Variants in IL7 observed in about 807,000 individuals in gnomAD.
IL7 encodes the protein interleukin 7, also known as interleukin-7.
In IL7, 3 loss-of-function variants were observed where a neutral mutation model predicts 21.6. That is an observed-to-expected ratio of 0.14 (90% CI 0.06 to 0.36). The LOEUF (loss-of-function observed/expected upper bound fraction) is 0.36, where lower values mean the gene tolerates loss of function less well. IL7 is among the 10% of genes least tolerant of loss of function. IL7 has a pLI of 1.00. For synonymous variants in IL7, 62 were observed against 68.1 expected (o/e 0.91, Z 0.44); for missense variants, 175 against 200.2 (o/e 0.87, Z 0.76).
chr8:78,710,923 T>C (rs1810931836), intron 3 of IL7, among the ~76,000 whole-genome samples: 1 of 152,100 alleles, frequency 6.6e-6, no homozygotes, highest in Admixed American at 6.5e-5. Flanking sequence ...TAATAAAATG[T>C]GTCCCTCCTC....
intron 3 of IL7, among the ~76,000 whole-genome samples, chr8:78,690,934 C>A (rs1301717947): frequency 6.6e-6 from 1 of 151,838 alleles, no homozygotes; most frequent in African/African-American, 2.4e-5. Flanking sequence ...TAATCTTATA[C>A]CCTGCTATTT....
chr8:78,708,509 C>T (rs1453718821), intron 3 of IL7, among the ~76,000 whole-genome samples: 1 of 151,526 alleles, frequency 6.6e-6, no homozygotes, highest in East Asian at 1.9e-4. Flanking sequence ...AAGAACTCGT[C>T]TCCATTAAAA....
intron 2 of IL7, among the ~76,000 whole-genome samples, chr8:78,758,211 CCCATTCAG>C (rs1352184992): frequency 6.6e-6 from 1 of 152,034 alleles, no homozygotes; most frequent in Non-Finnish European, 1.5e-5. Flanking sequence ...TTCTTTTCTA[CCCATTCAG>C]CCAGTCTATA....
At chr8:78,744,889 C>T (rs1032606385) in intron 2 of IL7, among the ~76,000 whole-genome samples, 1 of 152,136 alleles carries the variant, frequency 6.6e-6, no homozygotes, top group East Asian at 1.9e-4. Context: ...CATTCACTCA[C>T]CGATTCTCTG....
downstream of IL7, chr8:78,715,315 A>C (rs1378579132): frequency 6.2e-7 from 1 of 1,612,948 alleles, no homozygotes; most frequent in South Asian, 1.1e-5. Flanking sequence ...ATATACTGAG[A>C]GCTACATAGC....
At chr8:78,736,585 T>C (rs1467732838) in intron 4 of IL7, 58 bp from the exon 5 acceptor site, 2 of 1,061,590 alleles carry the variant, frequency 1.9e-6, no homozygotes, top group Non-Finnish European at 2.8e-6. Flanking sequence ...CCTCCAGTTG[T>C]TTGTAATTGC....
intron 2 of IL7, among the ~76,000 whole-genome samples, chr8:78,754,942 T>A (rs960238960): frequency 6.6e-6 from 1 of 152,142 alleles, no homozygotes; most frequent in Non-Finnish European, 1.5e-5. Context: ...CTATATTCTC[T>A]TCTAGTGGTT....
intron 3 of IL7, among the ~76,000 whole-genome samples, chr8:78,704,618 A>G (rs1299094089): frequency 6.6e-6 from 1 of 152,028 alleles, no homozygotes; most frequent in Non-Finnish European, 1.5e-5. Context: ...GGTTCTCTAC[A>G]TTTCCTGAAT....
At chr8:78,740,709 T>A (rs931843403) in intron 2 of IL7, among the ~76,000 whole-genome samples, 3 of 152,238 alleles carry the variant, frequency 2.0e-5, no homozygotes, top group Admixed American at 1.3e-4. Flanking sequence ...GCATTAGTAC[T>A]TTGAAATTGA....
intron 2 of IL7, among the ~76,000 whole-genome samples, chr8:78,746,540 G>A (rs982969934): frequency 6.6e-6 from 1 of 152,188 alleles, no homozygotes; most frequent in African/African-American, 2.4e-5. Flanking sequence ...TCATTATTCA[G>A]TTGCTTGCAG....
chr8:78,717,490 A>G (rs1280656554), downstream of IL7: 7 of 1,522,660 alleles, frequency 4.6e-6, no homozygotes, highest in Non-Finnish European at 6.1e-6. Flanking sequence ...GAATGATTCT[A>G]TGAATAGAAT....
intron 3 of IL7, among the ~76,000 whole-genome samples, chr8:78,688,563 T>C (rs1810101868): frequency 6.6e-6 from 1 of 152,162 alleles, no homozygotes; most frequent in African/African-American, 2.4e-5. Flanking sequence ...ATTTAGTTAT[T>C]TTACAATGCT....
downstream of IL7, among the ~76,000 whole-genome samples, chr8:78,727,881 T>A (rs1811364380): frequency 6.6e-6 from 1 of 151,924 alleles, no homozygotes; most frequent in African/African-American, 2.4e-5. Context: ...AAAATCTCAC[T>A]CCATAAACGC....
chr8:78,747,129 T>C (rs1812005268), intron 2 of IL7: 2 of 456,292 alleles, frequency 4.4e-6, no homozygotes, highest in Admixed American at 2.4e-5. Context: ...ATAGAATATA[T>C]TCAGTCTCAT....
chr8:78,711,672 T>C (rs1041060334), intron 3 of IL7, among the ~76,000 whole-genome samples: 1 of 152,136 alleles, frequency 6.6e-6, no homozygotes, highest in East Asian at 1.9e-4. Context: ...AGTTCACTTA[T>C]AGCTTCATGA....
intron 4 of IL7, chr8:78,678,780 C>T: frequency 1.4e-6 from 1 of 697,194 alleles, no homozygotes; most frequent in East Asian, 2.9e-5. Context: ...ACACAATTAT[C>T]TGCTACATTA....
intron 2 of IL7, chr8:78,761,972 A>T: frequency 6.2e-7 from 1 of 1,608,714 alleles, no homozygotes; most frequent in Non-Finnish European, 8.5e-7. Context: ...TAGAGGTAAA[A>T]TGTCCTCATC....
chr8:78,756,426 A>G (rs1812350571), intron 2 of IL7, among the ~76,000 whole-genome samples: 1 of 151,972 alleles, frequency 6.6e-6, no homozygotes, highest in Admixed American at 6.6e-5. Flanking sequence ...GGTAGAACTC[A>G]GAAATAAAGC....
chr8:78,708,664 A>G (rs1203257406), intron 3 of IL7, among the ~76,000 whole-genome samples: 1 of 147,714 alleles, frequency 6.8e-6, no homozygotes, highest in Non-Finnish European at 1.5e-5. Flanking sequence ...CTTCTAAAAG[A>G]TGATTATCTT....
Sources: allele counts gnomAD v4.1 joint callset (sites outside exome capture counted in the v4.1 genomes callset), GRCh38; gene constraint gnomAD v4.1.1; transcripts MANE v1.5; gene names NCBI Gene and HGNC (gene_info 2026-07-23, HGNC 2026-07-21).